SLC6A4: variants seen among roughly 807,000 people sequenced by gnomAD.
SLC6A4 encodes sodium-dependent serotonin transporter.
SLC6A4 carries 22 observed loss-of-function variants against 73.4 expected under a neutral mutation model. The ratio of observed to expected loss-of-function variants is 0.30; its 90% CI spans 0.21 to 0.43. SLC6A4 has a LOEUF of 0.43. SLC6A4 is among the 20% of genes least tolerant of loss of function. The pLI is 1.00. For missense variants in SLC6A4, 593 were observed against 808.5 expected, an observed-to-expected ratio of 0.73 and a Z score of 3.23; for synonymous variants, 270 against 315.5, an observed-to-expected ratio of 0.86 and a Z score of 1.53.
intron 9 of SLC6A4, among the ~76,000 whole-genome samples, chr17:30,212,091 C>T (rs1453559283): frequency 6.6e-6 from 1 of 152,116 alleles, no homozygotes; most frequent in East Asian, 1.9e-4. Context: ...CCCTCTGTTG[C>T]TCTTTTCTTT....
chr17:30,229,653 A>G (rs1225340867), intron 1 of SLC6A4, among the ~76,000 whole-genome samples: 1 of 147,056 alleles, frequency 6.8e-6, no homozygotes, highest in African/African-American at 2.5e-5. Context: ...GACTCCAGCG[A>G]TCCTCCTGCC....
intron 3 of SLC6A4, 98 bp from the exon 4 acceptor site, chr17:30,219,029 A>G: frequency 1.4e-6 from 2 of 1,469,322 alleles, no homozygotes; most frequent in Non-Finnish European, 1.9e-6. Context: ...GGATGATGTG[A>G]GTGTCAGGAG....
chr17:30,223,863 C>T (rs558249443), intron 1 of SLC6A4, among the ~76,000 whole-genome samples: 1 of 152,112 alleles, frequency 6.6e-6, no homozygotes, highest in African/African-American at 2.4e-5. Flanking sequence ...CCACTTCCCC[C>T]TTCCTTCGGC....
intron 1 of SLC6A4, among the ~76,000 whole-genome samples, chr17:30,230,146 GGAGGAA>G (rs1280466379): frequency 3.1e-5 from 4 of 129,740 alleles, no homozygotes; most frequent in Non-Finnish European, 6.9e-5. Flanking sequence ...AGGAGGAGGA[GGAGGAA>G]GAGGAAGAGG....
At position 30,209,230 on chromosome 17, in the gene SLC6A4, C is replaced by T. The variant is rs55908511; in HGVS notation, c.1462G>A (p.Val488Met). The change falls in exon 12 of 15, where the codon GTG becomes ATG. Residue 488 changes from valine to methionine, a missense_variant. Val to Met is a conservative substitution (Grantham distance 21, BLOSUM62 1). Transcript: ENST00000650711. ...LVTLTFGGAYVVKLLEEYATG... is the reference protein window; with the variant it reads ...LVTLTFGGAYMVKLLEEYATG... The stretch of plus-strand genomic sequence containing the variant: ...GCATACTCCTCCAGCAGCTTCACCA[C>T]GTAGGCCCCTCCCTGGAGGGGAGAG... 16 of 1,612,036 alleles carry T rather than the reference C, an allele frequency of 9.9e-6. No homozygotes were observed. The highest frequency in any genetic ancestry group is 6.7e-5 in the Admixed American group (4 of 60,024).
intron 14 of SLC6A4, 119 bp downstream of exon 14, chr17:30,203,053 T>A (rs1242222553): frequency 1.9e-5 from 15 of 789,134 alleles, no homozygotes; most frequent in Middle Eastern, 2.8e-4. Context: ...TACATACATA[T>A]ATAGGGTTGC....
At chr17:30,217,970 G>C (rs555176125) in intron 5 of SLC6A4, 148 bp downstream of exon 5, 176 of 648,894 alleles carry the variant, frequency 2.7e-4, no homozygotes, top group African/African-American at 2.7e-3. Context: ...GAGTTTCCCA[G>C]CTCCAAATTC....
intron 1 of SLC6A4, among the ~76,000 whole-genome samples, chr17:30,228,628 G>T (rs897304333): frequency 3.3e-5 from 5 of 152,230 alleles, no homozygotes; most frequent in African/African-American, 9.6e-5. Flanking sequence ...AACAAATACC[G>T]CAGGTTATTC....
intron 13 of SLC6A4, among the ~76,000 whole-genome samples, chr17:30,206,697 T>TTTTCC (rs1906210451): frequency 1.9e-5 from 2 of 107,516 alleles, no homozygotes; most frequent in South Asian, 3.0e-4. Flanking sequence ...TCAATCTCCT[T>TTTTCC]TTTTCTTTTC....
chr17:30,203,548 G>C (rs1906099385), intron 13 of SLC6A4: 1 of 553,270 alleles, frequency 1.8e-6, no homozygotes, highest in Non-Finnish European at 3.2e-6. Context: ...TGCTTTCCCT[G>C]ATTTTCCTCC....
At chr17:30,209,991 C>T (rs1906332558) in intron 11 of SLC6A4, among the ~76,000 whole-genome samples, 1 of 152,054 alleles carries the variant, frequency 6.6e-6, no homozygotes, top group Non-Finnish European at 1.5e-5. Context: ...CACTCAGTCC[C>T]CTTGACCCCC....
Position 30,212,929 on chromosome 17 carries a change from T to C in SLC6A4, c.1077-62A>G, listed in dbSNP as rs982796283. On this transcript the variant is annotated intron_variant, in intron 8 of 14. Transcript: ENST00000650711. ...TCCAAGATCAGGGGTCTAAGGAGCA[T>C]CTGTCCGTGTGCCTGCCCTGCCTTA... The C allele has an allele frequency of 4.0e-5, 63 of 1,579,104 alleles. No individual in the cohort carries two copies. The Admixed American group carries it at 1.1e-3, about 27-fold the overall frequency.
intron 14 of SLC6A4, among the ~76,000 whole-genome samples, chr17:30,199,512 G>T (rs1905964084): frequency 6.6e-6 from 1 of 152,156 alleles, no homozygotes; most frequent in African/African-American, 2.4e-5. Flanking sequence ...GTCTGGAGTT[G>T]CCTTCAAGCT....
At chr17:30,199,594 T>C (rs552211834) in intron 14 of SLC6A4, among the ~76,000 whole-genome samples, 28 of 152,318 alleles carry the variant, frequency 1.8e-4, no homozygotes, top group Admixed American at 3.3e-4. Flanking sequence ...GTTCCAGTCC[T>C]ACAGTTAATG....
intron 1 of SLC6A4, among the ~76,000 whole-genome samples, chr17:30,233,912 T>TA (rs1206618880): frequency 6.6e-6 from 1 of 152,178 alleles, no homozygotes; most frequent in African/African-American, 2.4e-5. Context: ...CGTATTGGCT[T>TA]AATGTCTGGA....
At chr17:30,206,625 C>T (rs975216613) in intron 13 of SLC6A4, among the ~76,000 whole-genome samples, 4 of 151,980 alleles carry the variant, frequency 2.6e-5, no homozygotes, top group Non-Finnish European at 4.4e-5. Flanking sequence ...AGATCCTTCC[C>T]TGGTCTTGAA....
chr17:30,215,553 C>G, intron 8 of SLC6A4, 58 bp downstream of exon 8: 2 of 1,385,176 alleles, frequency 1.4e-6, no homozygotes, highest in South Asian at 2.3e-5. Context: ...TTCCTCCACA[C>G]TAGCTGACTT....
chr17:30,197,037 A>C lies in SLC6A4; in HGVS notation c.*1419T>G, dbSNP rs1905884686. On this transcript the variant is annotated 3_prime_UTR_variant, in exon 15 of 15. Transcript: ENST00000650711. ...TGAAGTGATAGGTGGCCAGATGATT[A>C]AGTCCTTTTGTCTCTGATGAGGATT... 6.6e-6 allele frequency: 1 copy of C among 152,362 alleles called. No individual in the cohort carries two copies. Among genetic ancestry groups the C allele is most frequent in the Non-Finnish European group, 1.5e-5 (1 of 68,044 alleles). The allele number at this position is 152,362 out of a possible 1,614,324, so 9.4% of individuals were successfully genotyped here.
chr17:30,230,834 G>C (rs1907090302), intron 1 of SLC6A4, among the ~76,000 whole-genome samples: 1 of 152,142 alleles, frequency 6.6e-6, no homozygotes, highest in South Asian at 2.1e-4. Context: ...CAGCCACAAG[G>C]TGTTTGGAGT....
Sources: allele counts gnomAD v4.1 joint callset (sites outside exome capture counted in the v4.1 genomes callset), GRCh38; gene constraint gnomAD v4.1.1; transcripts MANE v1.5; gene names NCBI Gene and HGNC (gene_info 2026-07-23, HGNC 2026-07-21).